Variants in RHD observed in about 807,000 individuals in gnomAD.
RHD encodes Rh blood group D antigen.
In RHD, 16 loss-of-function variants were observed where a neutral mutation model predicts 45.5. The observed-to-expected ratio is 0.35, with a 90% CI of 0.24 to 0.53. The LOEUF (loss-of-function observed/expected upper bound fraction) is 0.53. Ranked by LOEUF, RHD falls within the 20% of genes least tolerant of loss-of-function variation. The pLI, the probability that RHD is intolerant of heterozygous loss-of-function variation, is 0.92. For missense variants in RHD, 306 were observed against 532.0 expected (o/e 0.58, Z 4.18); for synonymous variants, 131 against 217.5 (o/e 0.60, Z 3.50).
intron 3 of RHD, among the ~76,000 whole-genome samples, chr1:25,292,887 CAT>C (rs1358444740): frequency 1.7e-5 from 2 of 120,256 alleles, no homozygotes; most frequent in African/African-American, 5.7e-5. Context: ...AGAGGGGGGA[CAT>C]GTGTAAGAGC....
rs558354651 is a variant in RHD at position 25,280,965 on chromosome 1, C to T, written c.149-3608C>T. Among the ~76,000 whole-genome samples, 8 of 131,512 alleles carry T rather than the reference C, an allele frequency of 6.1e-5. 1 individual carries two copies. Among genetic ancestry groups the T allele is most frequent in the Admixed American group, 2.2e-4 (3 of 13,558 alleles). The allele number at this position is 131,512 out of a possible 152,430, so 86.3% of individuals were successfully genotyped here. On this transcript the variant is annotated intron_variant, in intron 1 of 9. Transcript: ENST00000328664. ...GGCCCCAACTCTGCCCTTATCCAGG[C>T]AACTCTCCTCTCCCCATCTTCCACT...
At position 25,300,913 on chromosome 1, in the gene RHD, G is replaced by A. The variant is rs193122509; in HGVS notation, c.487-33G>A. On this transcript the variant is annotated intron_variant, in intron 3 of 9. Coordinates refer to ENST00000328664, the MANE Select transcript of RHD (RefSeq NM_016124.6). ...GGGCTTGCCCCGGGCAGAGGATGCC[G>A]ACACTCACTGCTCTTACTGGGTTTT... The A allele has an allele frequency of 5.0e-4, 680 of 1,370,556 alleles. 124 individuals are homozygous for A. In the African/African-American group the frequency reaches 7.8e-3, roughly 16 times the overall value. 84.9% of individuals were successfully genotyped at this position (1,370,556 alleles called of 1,614,324 possible).
intron 7 of RHD, among the ~76,000 whole-genome samples, chr1:25,314,166 A>C (rs533663682): frequency 7.5e-6 from 1 of 132,594 alleles, no homozygotes; most frequent in Admixed American, 7.3e-5. Flanking sequence ...CTGCTAAACA[A>C]TTTTCTCTAG....
At position 25,282,464 on chromosome 1, in the gene RHD, A is replaced by C. The variant is rs183495634; in HGVS notation, c.149-2109A>C. Among the ~76,000 whole-genome samples, 11 of 131,602 alleles carry C rather than the reference A, an allele frequency of 8.4e-5. 2 individuals are homozygous for C. The highest frequency in any genetic ancestry group is 2.6e-4 in the African/African-American group (10 of 38,608). The allele number at this position is 131,602 out of a possible 152,430, so 86.3% of individuals were successfully genotyped here. A position where few individuals can be genotyped will look rare whatever the true frequency, so the allele number is the denominator to read the frequency against. On this transcript the variant is annotated intron_variant, in intron 1 of 9. Transcript: ENST00000328664. ...TGGCCAGGCTAGTCTCGAACTGCTGACTTCATGATCTGCCCACCTCATCCT... is the reference window on the plus strand; with the variant it reads ...TGGCCAGGCTAGTCTCGAACTGCTGCCTTCATGATCTGCCCACCTCATCCT...
rs1300325822 is a variant in RHD at position 25,276,547 on chromosome 1, A to G, written c.148+3852A>G. Among the ~76,000 whole-genome samples, 3 of 125,046 alleles carry G rather than the reference A, an allele frequency of 2.4e-5. 1 individual carries two copies. The highest frequency in any genetic ancestry group is 2.3e-4 in the Admixed American group (3 of 12,788). The allele number at this position is 125,046 out of a possible 152,430, so 82.0% of individuals were successfully genotyped here. A position where few individuals can be genotyped will look rare whatever the true frequency, so the allele number is the denominator to read the frequency against. On this transcript the variant is annotated intron_variant, in intron 1 of 9. Coordinates refer to ENST00000328664, the MANE Select transcript of RHD (RefSeq NM_016124.6). ...CCCCCATCTCTAAAAAAAAAAAAAA[A>G]AAAAAAAACTTTAAAATTTAACCCA...
At chr1:25,316,632 A>G (rs1168951384) in intron 7 of RHD, among the ~76,000 whole-genome samples, 24 of 120,454 alleles carry the variant, frequency 2.0e-4, no homozygotes, top group African/African-American at 6.3e-4. Context: ...AAAAAAAAAA[A>G]AAAAGAGAGA....
rs1165482232 is a variant in RHD at position 25,329,320 on chromosome 1, C to A, written c.*396C>A. 2 of 393,838 alleles carry A rather than the reference C, an allele frequency of 5.1e-6. No homozygotes were observed. The highest frequency in any genetic ancestry group is 3.5e-5 in the East Asian group (1 of 28,944). The allele number at this position is 393,838 out of a possible 1,614,324, so 24.4% of individuals were successfully genotyped here. A position where few individuals can be genotyped will look rare whatever the true frequency, so the allele number is the denominator to read the frequency against. ...AGTGCAATGGCACCATCTTGGCTCA[C>A]TGCAACCTCTACCTCCTGGGTTCAA... On this transcript the variant is annotated 3_prime_UTR_variant, in exon 10 of 10. Coordinates refer to ENST00000328664, the MANE Select transcript of RHD (RefSeq NM_016124.6).
In RHD at chr1:25,293,346, T is replaced by C. The variant is rs1325949875; in HGVS notation, c.486+2555T>C. 1.1e-4 allele frequency among the ~76,000 whole-genome samples: 14 copies of C among 128,412 alleles called. 3 individuals carry two copies. Among genetic ancestry groups the C allele is most frequent in the Non-Finnish European group, 3.6e-5 (2 of 54,930 alleles). The allele number at this position is 128,412 out of a possible 152,430, so 84.2% of individuals were successfully genotyped here. A position where few individuals can be genotyped will look rare whatever the true frequency, so the allele number is the denominator to read the frequency against. On this transcript the variant is annotated intron_variant, in intron 3 of 9. Coordinates refer to ENST00000328664, the MANE Select transcript of RHD (RefSeq NM_016124.6). ...ACCTTTAGGCCGATGCAGGGACAGT[T>C]CATCTTTTTTTTTTTTTTATACAAC...
chr1:25,273,933 A>G (rs1640714798), intron 1 of RHD, among the ~76,000 whole-genome samples: 2 of 130,640 alleles, frequency 1.5e-5, no homozygotes, highest in African/African-American at 5.2e-5. Context: ...CCCTTATACC[A>G]TTTAAGGTGC....
At chr1:25,286,960 G>C (rs1642071988) in intron 2 of RHD, among the ~76,000 whole-genome samples, 1 of 133,680 alleles carries the variant, frequency 7.5e-6, no homozygotes, top group Admixed American at 7.2e-5. Context: ...GGGTGTGGCG[G>C]CAGGCACCTG....
At position 25,320,190 on chromosome 1, in the gene RHD, G is replaced by A. The variant is rs1428289072; in HGVS notation, c.1154-1699G>A. On this transcript the variant is annotated intron_variant, in intron 8 of 9. Transcript: ENST00000328664. ...TGGGATTACAGGGATAAGCCACTGC[G>A]ACCGGCCGACAAATTCTTAAAACTG... 3.0e-5 allele frequency among the ~76,000 whole-genome samples: 4 copies of A among 131,890 alleles called. 1 individual carries two copies. The highest frequency in any genetic ancestry group is 7.2e-5 in the Non-Finnish European group (4 of 55,688). 86.5% of individuals were successfully genotyped at this position (131,890 alleles called of 152,430 possible). A position where few individuals can be genotyped will look rare whatever the true frequency, so the allele number is the denominator to read the frequency against.
chr1:25,305,140 G>A (rs1180058657), intron 6 of RHD, among the ~76,000 whole-genome samples: 1 of 131,738 alleles, frequency 7.6e-6, no homozygotes, highest in Non-Finnish European at 1.8e-5. Flanking sequence ...CAGAGGAAAC[G>A]GTTGACAGCC....
chr1:25,304,874 A>G (rs1248886987), intron 6 of RHD: 1 of 132,156 alleles, frequency 7.6e-6, no homozygotes, highest in African/African-American at 2.6e-5. Context: ...AGTTATCATC[A>G]GTCTCAGCGC....
At chr1:25,276,417 A>G (rs755082772) in intron 1 of RHD, among the ~76,000 whole-genome samples, 1 of 91,756 alleles carries the variant, frequency 1.1e-5, no homozygotes, top group Non-Finnish European at 2.1e-5. Context: ...ATAGTTAATT[A>G]AAAAAAAAAA....
chr1:25,282,065 T>A lies in RHD; in HGVS notation c.149-2508T>A. Reference sequence around the variant, plus strand: ...GATGATGTTGATGAACAGTCACTATTTATTGAGCGTTCTCCATGTGCCAGT... The same window carrying A: ...GATGATGTTGATGAACAGTCACTATATATTGAGCGTTCTCCATGTGCCAGT... On this transcript the variant is annotated intron_variant, in intron 1 of 9. Transcript: ENST00000328664. Among the ~76,000 whole-genome samples the A allele has an allele frequency of 1.5e-5, 2 of 131,536 alleles. 1 individual carries two copies. The highest frequency in any genetic ancestry group is 3.6e-5 in the Non-Finnish European group (2 of 55,568). The allele number at this position is 131,536 out of a possible 152,430, so 86.3% of individuals were successfully genotyped here.
intron 1 of RHD, among the ~76,000 whole-genome samples, chr1:25,283,075 T>C (rs1312815378): frequency 7.5e-6 from 1 of 133,058 alleles, no homozygotes; most frequent in African/African-American, 2.6e-5. Context: ...AAATAGCTTT[T>C]AGAGTTTGGA....
intron 1 of RHD, among the ~76,000 whole-genome samples, chr1:25,274,150 A>G (rs1383399626): frequency 1.5e-5 from 2 of 132,394 alleles, no homozygotes; most frequent in Admixed American, 1.5e-4. Context: ...ACTATTCTAC[A>G]TGCTTTACAT....
At position 25,299,447 on chromosome 1, in the gene RHD, T is replaced by A. The variant is rs181903094; in HGVS notation, c.487-1499T>A. Among the ~76,000 whole-genome samples, 241 of 130,976 alleles carry A rather than the reference T, an allele frequency of 1.8e-3. 37 individuals are homozygous for A. Among genetic ancestry groups the A allele is most frequent in the African/African-American group, 5.9e-3 (223 of 38,092 alleles). 85.9% of individuals were successfully genotyped at this position (130,976 alleles called of 152,430 possible). A position where few individuals can be genotyped will look rare whatever the true frequency, so the allele number is the denominator to read the frequency against. ...ACTTTTTAGTTGGCTTTAGAATTCT[T>A]AGACACCCTCTACAGACAAGGCACC... On this transcript the variant is annotated intron_variant, in intron 3 of 9. Transcript: ENST00000328664.
At chr1:25,319,586 A>C (rs1319128155) in intron 8 of RHD, among the ~76,000 whole-genome samples, 1 of 132,210 alleles carries the variant, frequency 7.6e-6, no homozygotes, top group Non-Finnish European at 1.8e-5. Flanking sequence ...TCCAGCCTGG[A>C]CAACAGAGCA....
Sources: gnomAD v4.1 joint callset for allele counts (sites outside exome capture counted in the v4.1 genomes callset) on GRCh38, gnomAD v4.1.1 for gene constraint, MANE v1.5 for transcripts, NCBI Gene and HGNC (gene_info 2026-07-23, HGNC 2026-07-21) for gene names.